The following PHGDH variants were observed in gnomAD, a reference collection of about 807,000 sequenced individuals.
PHGDH encodes the protein D-3-phosphoglycerate dehydrogenase.
In PHGDH, 50 loss-of-function variants were observed where a neutral mutation model predicts 52.6. The observed-to-expected ratio is 0.95, with a 90% CI of 0.76 to 1.20. The LOEUF is 1.20. PHGDH is among the 50% of genes most tolerant of loss of function. The probability of loss-of-function intolerance (pLI) is 0.00; values close to 1 mark genes in which losing one functional copy is unlikely to be tolerated. For missense variants in PHGDH, 630 were observed against 684.6 expected, an observed-to-expected ratio of 0.92 and a Z score of 0.89; for synonymous variants, 271 against 280.5, an observed-to-expected ratio of 0.97 and a Z score of 0.34.
At chr1:119,724,977 T>A (rs983359299) in intron 3 of PHGDH, 2 of 455,252 alleles carry the variant, frequency 4.4e-6, no homozygotes, top group African/African-American at 4.1e-5. Flanking sequence ...TGTGGGTGCC[T>A]ATATGTAGAC....
chr1:119,732,283 C>G (rs939923601), intron 5 of PHGDH, among the ~76,000 whole-genome samples: 1 of 152,208 alleles, frequency 6.6e-6, no homozygotes, highest in Non-Finnish European at 1.5e-5. Flanking sequence ...CACCAGCTGC[C>G]CTGGAGTCCT....
chr1:119,741,298 C>G (rs587753914), intron 9 of PHGDH, among the ~76,000 whole-genome samples: 16 of 152,274 alleles, frequency 1.1e-4, no homozygotes, highest in African/African-American at 3.4e-4. Context: ...AGGGCAGAGC[C>G]AGGGGGTCCC....
At chr1:119,715,261 A>C (rs1263997743) in intron 1 of PHGDH, among the ~76,000 whole-genome samples, 1 of 152,196 alleles carries the variant, frequency 6.6e-6, no homozygotes, top group African/African-American at 2.4e-5. Flanking sequence ...AGGACCACTA[A>C]ACTAAACACT....
chr1:119,727,269 G>A lies in PHGDH; in HGVS notation c.510+167G>A, dbSNP rs1030200557. The stretch of plus-strand genomic sequence containing the variant: ...TCAAGGAGGGAGAGAACACTGGCCT[G>A]CTGATCTGGACTCAAAAGCTGGAAA... On this transcript the variant is annotated intron_variant, in intron 5 of 11. Transcript: ENST00000641023. The A allele has an allele frequency of 9.1e-6, 6 of 661,846 alleles. No individual in the cohort carries two copies. In the Admixed American group the frequency reaches 1.3e-4, roughly 14 times the overall value. The allele number at this position is 661,846 out of a possible 1,614,324, so 41.0% of individuals were successfully genotyped here.
At chr1:119,737,903 C>T (rs1460271138) in intron 8 of PHGDH, among the ~76,000 whole-genome samples, 1 of 152,292 alleles carries the variant, frequency 6.6e-6, no homozygotes, top group East Asian at 1.9e-4. Flanking sequence ...CACTGGGTAC[C>T]AGACATTGTC....
intron 3 of PHGDH, chr1:119,724,788 C>G (rs886625126): frequency 1.3e-5 from 6 of 456,420 alleles, no homozygotes; most frequent in Non-Finnish European, 2.6e-5. Flanking sequence ...TTTCCAGGAC[C>G]AGCTTTGTTT....
intron 5 of PHGDH, among the ~76,000 whole-genome samples, chr1:119,733,884 T>G (rs949696841): frequency 6.6e-6 from 1 of 152,196 alleles, no homozygotes; most frequent in Non-Finnish European, 1.5e-5. Flanking sequence ...TGATTGAATG[T>G]GAGAGTGAGA....
chr1:119,741,092 G>A (rs943859145), intron 9 of PHGDH, among the ~76,000 whole-genome samples: 3 of 152,210 alleles, frequency 2.0e-5, no homozygotes, highest in Admixed American at 6.5e-5. Context: ...ACCACCCCTC[G>A]GGCTGCTGAG....
chr1:119,739,110 G>T (rs907168778), intron 8 of PHGDH, among the ~76,000 whole-genome samples: 2 of 152,176 alleles, frequency 1.3e-5, no homozygotes, highest in African/African-American at 4.8e-5. Context: ...TTAGGGTCAG[G>T]TTGGTGTCCC....
chr1:119,727,983 T>A (rs1651522459), intron 5 of PHGDH, among the ~76,000 whole-genome samples: 1 of 152,154 alleles, frequency 6.6e-6, no homozygotes, highest in African/African-American at 2.4e-5. Context: ...TGGGTGCACA[T>A]GAGTAGTAGC....
At chr1:119,734,043 C>T (rs1257764439) in intron 5 of PHGDH, among the ~76,000 whole-genome samples, 1 of 152,160 alleles carries the variant, frequency 6.6e-6, no homozygotes, top group Non-Finnish European at 1.5e-5. Flanking sequence ...AGTCTTGCTC[C>T]CACTCTGGGT....
chr1:119,722,005 G>T (rs932209879), intron 2 of PHGDH, among the ~76,000 whole-genome samples: 2 of 152,254 alleles, frequency 1.3e-5, no homozygotes, highest in Non-Finnish European at 2.9e-5. Context: ...TTGTTCTTAA[G>T]ACTTTTCTCT....
intron 6 of PHGDH, 183 bp downstream of exon 6, chr1:119,734,949 A>G: frequency 1.4e-6 from 1 of 700,604 alleles, no homozygotes; most frequent in Non-Finnish European, 2.5e-6. Context: ...TGAGCCAGCT[A>G]GAAGTGCTTG....
At chr1:119,712,573 G>T (rs1397058041) in intron 1 of PHGDH, 2 of 257,846 alleles carry the variant, frequency 7.8e-6, no homozygotes, top group Non-Finnish European at 1.5e-5. Flanking sequence ...ATCGGGAGAG[G>T]GGCCCCAAAG....
At chr1:119,723,633 T>C (rs1651272322) in intron 3 of PHGDH, among the ~76,000 whole-genome samples, 192 bp downstream of exon 3, 1 of 151,994 alleles carries the variant, frequency 6.6e-6, no homozygotes, top group East Asian at 2.0e-4. Context: ...ATTACACAGG[T>C]TCCCTAGTGC....
At chr1:119,712,847 T>C (rs1650761182) in intron 1 of PHGDH, among the ~76,000 whole-genome samples, 1 of 152,158 alleles carries the variant, frequency 6.6e-6, no homozygotes, top group Non-Finnish European at 1.5e-5. Context: ...CCTGGGAGCC[T>C]TCGGAGGAAA....
chr1:119,731,667 C>G (rs1217647661), intron 5 of PHGDH, among the ~76,000 whole-genome samples: 1 of 152,176 alleles, frequency 6.6e-6, no homozygotes, highest in African/African-American at 2.4e-5. Flanking sequence ...GAAACTGAGG[C>G]CCAGGAAGGT....
intron 3 of PHGDH, chr1:119,724,550 C>T: frequency 2.8e-6 from 1 of 362,994 alleles, no homozygotes; most frequent in Non-Finnish European, 5.3e-6. Flanking sequence ...AGAAGGGGCC[C>T]CCAGGCTGGC....
rs587758913 is a variant in PHGDH at position 119,736,694 on chromosome 1, G to C, written c.793-420G>C. On this transcript the variant is annotated intron_variant, in intron 7 of 11. Transcript: ENST00000641023. ...ACAGCAAGTGCTGCATGGATGCAGG[G>C]GGGTGAGTTTCGGGGAAAAGCCCAG... 2.0e-5 allele frequency among the ~76,000 whole-genome samples: 3 copies of C among 152,342 alleles called. No homozygotes were observed. In the South Asian group the frequency reaches 6.2e-4, roughly 32 times the overall value.
Sources: gnomAD v4.1 joint callset for allele counts (sites outside exome capture counted in the v4.1 genomes callset) on GRCh38, gnomAD v4.1.1 for gene constraint, MANE v1.5 for transcripts, NCBI Gene and HGNC (gene_info 2026-07-23, HGNC 2026-07-21) for gene names.